GRIN2A: variants seen among roughly 807,000 people sequenced by gnomAD.
The protein encoded by GRIN2A is glutamate receptor ionotropic, NMDA 2A.
GRIN2A carries 22 observed loss-of-function variants against 113.4 expected under a neutral mutation model. The observed-to-expected ratio is 0.19, with a 90% CI of 0.14 to 0.28. The LOEUF is 0.28. GRIN2A is among the 10% of genes least tolerant of loss of function. The pLI is 1.00. For missense variants in GRIN2A, 1,502 were observed against 1,887.0 expected, an observed-to-expected ratio of 0.80 and a Z score of 3.78; for synonymous variants, 827 against 738.4, an observed-to-expected ratio of 1.12 and a Z score of -1.94.
At chr16:9,937,811 A>G (rs917930448) in intron 3 of GRIN2A, 148 bp downstream of exon 3, 1 of 660,022 alleles carries the variant, frequency 1.5e-6, no homozygotes, top group African/African-American at 1.8e-5. Flanking sequence ...AAAGAAAGAG[A>G]GAGGAGAGCA....
intron 5 of GRIN2A, among the ~76,000 whole-genome samples, chr16:9,842,554 A>T (rs1354258572): frequency 6.6e-6 from 1 of 152,240 alleles, no homozygotes; most frequent in Non-Finnish European, 1.5e-5. Flanking sequence ...CATATGAAAA[A>T]AGTAGGTTAC....
At chr16:9,839,474 G>A (rs2042636976) in intron 7 of GRIN2A, among the ~76,000 whole-genome samples, 1 of 151,992 alleles carries the variant, frequency 6.6e-6, no homozygotes, top group African/African-American at 2.4e-5. Context: ...GGCTTAATGG[G>A]TAGTCACATT....
chr16:10,175,496 G>A (rs1288743211), intron 2 of GRIN2A, among the ~76,000 whole-genome samples: 1 of 152,184 alleles, frequency 6.6e-6, no homozygotes, highest in African/African-American at 2.4e-5. Flanking sequence ...CATGGTGATA[G>A]GATTTGGAGA....
chr16:9,800,777 C>T (rs1253733949), intron 10 of GRIN2A, among the ~76,000 whole-genome samples: 1 of 152,074 alleles, frequency 6.6e-6, no homozygotes, highest in African/African-American at 2.4e-5. Flanking sequence ...TGATTGGCAA[C>T]AGCGATGGTA....
chr16:10,082,402 C>T (rs190190502), intron 2 of GRIN2A, among the ~76,000 whole-genome samples: 39 of 152,346 alleles, frequency 2.6e-4, no homozygotes, highest in Non-Finnish European at 4.6e-4. Context: ...GACCCATGTC[C>T]TTGTGTGATC....
At chr16:9,907,559 G>A (rs1273638661) in intron 3 of GRIN2A, among the ~76,000 whole-genome samples, 3 of 152,120 alleles carry the variant, frequency 2.0e-5, no homozygotes, top group African/African-American at 7.2e-5. Context: ...ATACGAATCT[G>A]TGTGCCAAGA....
At chr16:9,865,705 A>G (rs944192820) in intron 4 of GRIN2A, among the ~76,000 whole-genome samples, 2 of 152,160 alleles carry the variant, frequency 1.3e-5, no homozygotes, top group Non-Finnish European at 2.9e-5. Flanking sequence ...AGTGCCTACT[A>G]TGTGCCATAA....
chr16:9,829,745 G>GA, intron 8 of GRIN2A, 93 bp from the exon 9 acceptor site: 1 of 819,692 alleles, frequency 1.2e-6, no homozygotes, highest in Admixed American at 1.9e-5. Flanking sequence ...CAGCACCGAA[G>GA]GTTGCCAGAA....
In GRIN2A at chr16:9,896,683, GA is replaced by G. The variant is rs555700434; in HGVS notation, c.1008-5584del. ...AAGTCTTCAGTCCCTTGGGAGGGGG[GA>G]AAAAAAAACCTCTAACAGAAATTTC... On this transcript the variant is annotated intron_variant, in intron 3 of 12. Transcript: ENST00000330684. Among the ~76,000 whole-genome samples the G allele has an allele frequency of 9.9e-4, 149 of 150,358 alleles. 5 individuals are homozygous for G. In the East Asian group the frequency reaches 0.013, roughly 13 times the overall value.
intron 2 of GRIN2A, among the ~76,000 whole-genome samples, chr16:9,982,857 C>A (rs1465082373): frequency 6.6e-6 from 1 of 152,182 alleles, no homozygotes; most frequent in East Asian, 1.9e-4. Context: ...TCCCAGTGGT[C>A]TCCCTCAGTG....
intron 3 of GRIN2A, among the ~76,000 whole-genome samples, chr16:9,907,646 A>T (rs1463372467): frequency 6.6e-6 from 1 of 152,212 alleles, no homozygotes; most frequent in East Asian, 1.9e-4. Flanking sequence ...TTTCATTAAA[A>T]AATAAAAGAA....
chr16:9,955,932 GCATCACGCTGA>G (rs1237538970), intron 2 of GRIN2A, among the ~76,000 whole-genome samples: 1 of 152,148 alleles, frequency 6.6e-6, no homozygotes, highest in African/African-American at 2.4e-5. Flanking sequence ...AGGGGCTTGG[GCATCACGCTGA>G]CAAAGTCTCT....
chr16:9,893,298 T>G (rs1473561336), intron 3 of GRIN2A, among the ~76,000 whole-genome samples: 2 of 152,336 alleles, frequency 1.3e-5, no homozygotes, highest in African/African-American at 2.4e-5. Context: ...TTTCATTTTT[T>G]TGTGTGTGTA....
intron 12 of GRIN2A, among the ~76,000 whole-genome samples, chr16:9,767,927 A>G (rs922866546): frequency 1.3e-5 from 2 of 152,262 alleles, no homozygotes; most frequent in African/African-American, 4.8e-5. Context: ...TTCTGTTACA[A>G]TGCATACACA....
rs2141120803 is a variant in GRIN2A, at chr16:9,761,304, G to A, written c.*1845C>T. ...TTACAAAACAGAACGCACACCATGA[G>A]GAGAAGAAATGGGATAATTTTTCAA... On this transcript the variant is annotated 3_prime_UTR_variant, in exon 13 of 13. Transcript: ENST00000330684. The A allele has an allele frequency of 4.4e-6, 1 of 229,238 alleles. No individual in the cohort carries two copies. The highest frequency in any genetic ancestry group is 5.7e-5 in the Admixed American group (1 of 17,616). The allele number at this position is 229,238 out of a possible 1,614,324, so 14.2% of individuals were successfully genotyped here. A position where few individuals can be genotyped will look rare whatever the true frequency, so the allele number is the denominator to read the frequency against.
At chr16:10,178,293 T>C (rs1371045780) in intron 2 of GRIN2A, among the ~76,000 whole-genome samples, 1 of 152,210 alleles carries the variant, frequency 6.6e-6, no homozygotes, top group Non-Finnish European at 1.5e-5. Context: ...AAAATGAAAC[T>C]GATCCCTTGT....
intron 7 of GRIN2A, among the ~76,000 whole-genome samples, chr16:9,838,103 A>G (rs2042612362): frequency 6.6e-6 from 1 of 152,236 alleles, no homozygotes; most frequent in Non-Finnish European, 1.5e-5. Flanking sequence ...GTGGAAGAAT[A>G]AGACAATGGG....
intron 2 of GRIN2A, among the ~76,000 whole-genome samples, chr16:10,001,214 A>G (rs1278656435): frequency 6.6e-6 from 1 of 152,098 alleles, no homozygotes; most frequent in African/African-American, 2.4e-5. Flanking sequence ...GAGTCTATAC[A>G]AAGAGTGTTT....
intron 3 of GRIN2A, among the ~76,000 whole-genome samples, chr16:9,914,456 C>T (rs1400312730): frequency 6.6e-6 from 1 of 152,236 alleles, no homozygotes; most frequent in East Asian, 1.9e-4. Context: ...GTGTGGCTGA[C>T]AGGCCTGCAC....
Sources: allele counts gnomAD v4.1 joint callset (sites outside exome capture counted in the v4.1 genomes callset), GRCh38; gene constraint gnomAD v4.1.1; transcripts MANE v1.5; gene names NCBI Gene and HGNC (gene_info 2026-07-23, HGNC 2026-07-21).